Variants in PLCH1 observed in about 807,000 individuals in gnomAD.
PLCH1 encodes the protein phospholipase C eta 1.
A neutral mutation model predicts 126.7 loss-of-function variants in PLCH1; 60 were observed. The ratio of observed to expected loss-of-function variants is 0.47; its 90% CI spans 0.38 to 0.59. PLCH1 has a LOEUF of 0.59. Among genes scored for constraint, PLCH1 ranks in the 20% least tolerant of loss-of-function variants. The pLI, the probability that PLCH1 is intolerant of heterozygous loss-of-function variation, is 0.00. For synonymous variants in PLCH1, 719 were observed against 734.9 expected (o/e 0.98, Z 0.35); for missense variants, 1,723 against 2,040.0 (o/e 0.84, Z 2.99).
chr3:155,638,848 C>G (rs925879396), intron 2 of PLCH1, among the ~76,000 whole-genome samples: 1 of 152,134 alleles, frequency 6.6e-6, no homozygotes, highest in Non-Finnish European at 1.5e-5. Flanking sequence ...GACATCTTTA[C>G]AGGCAAATGA....
chr3:155,702,703 A>T (rs550423575), intron 2 of PLCH1, among the ~76,000 whole-genome samples: 2 of 152,250 alleles, frequency 1.3e-5, no homozygotes, highest in African/African-American at 4.8e-5. Flanking sequence ...TTAAATCTAA[A>T]TTCTTTAAAA....
chr3:155,482,885 C>G lies in PLCH1; in HGVS notation c.3141G>C (p.Gln1047His). ...CACCCCTAGGACTTGACATGCCCAG[C>G]TGTTCTCCTGTGACTGACATGTGGG... ...STAHMSVTGE[Q>H]LGMSSPRGGR... Residue 1047 changes from glutamine (Q) to histidine (H), a missense_variant, in exon 23 of 23, where the codon CAG (glutamine) becomes CAC (histidine). Physicochemically the swap from Gln to His is conservative, Grantham distance 24 (BLOSUM62 0). Coordinates refer to ENST00000460012, the MANE Select transcript of PLCH1 (RefSeq NM_014996.4). The G allele has an allele frequency of 6.2e-7, 1 of 1,614,180 alleles. No individual in the cohort carries two copies. The highest frequency in any genetic ancestry group is 8.5e-7 in the Non-Finnish European group (1 of 1,180,022).
chr3:155,619,270 T>G (rs1457398036), intron 2 of PLCH1, among the ~76,000 whole-genome samples: 1 of 101,628 alleles, frequency 9.8e-6, no homozygotes, highest in African/African-American at 5.6e-5. Flanking sequence ...TAGTGTACAG[T>G]ACAGGAGTAG....
At chr3:155,592,201 G>A (rs980841423) in intron 4 of PLCH1, among the ~76,000 whole-genome samples, 6 of 145,802 alleles carry the variant, frequency 4.1e-5, no homozygotes, top group Non-Finnish European at 7.5e-5. Flanking sequence ...AAAAAGATTC[G>A]TGGCCAAGCC....
At chr3:155,466,268 G>A (rs150935297) in intron 21 of PLCH1, among the ~76,000 whole-genome samples, 79 of 152,294 alleles carry the variant, frequency 5.2e-4, no homozygotes, top group African/African-American at 1.5e-3. Context: ...CCAGGTTTAC[G>A]TGGCTTAGAA....
At chr3:155,586,323 A>G (rs1490016112) in intron 4 of PLCH1, 129 bp from the exon 5 acceptor site, 26 of 813,518 alleles carry the variant, frequency 3.2e-5, no homozygotes, top group South Asian at 2.4e-4. Flanking sequence ...GAGCCCCTGC[A>G]ATCCATAGGC....
At chr3:155,548,748 G>A (rs1214142703) in intron 10 of PLCH1, among the ~76,000 whole-genome samples, 1 of 152,188 alleles carries the variant, frequency 6.6e-6, no homozygotes, top group Non-Finnish European at 1.5e-5. Flanking sequence ...ATTATGTGGA[G>A]CTTTTATTCA....
chr3:155,530,994 G>C lies in PLCH1; in HGVS notation c.1363-6990C>G, dbSNP rs548668862. On this transcript the variant is annotated intron_variant, in intron 10 of 22. Transcript: ENST00000460012. ...GGGTGACCAGGTGCATTGTCAATGA[G>C]CAGTAATATTTTGAAAGGAATCTTT... 1.6e-3 allele frequency among the ~76,000 whole-genome samples: 240 copies of C among 152,334 alleles called. 1 individual carries two copies. Among genetic ancestry groups the C allele is most frequent in the African/African-American group, 5.5e-3 (228 of 41,568 alleles).
intron 21 of PLCH1, among the ~76,000 whole-genome samples, 185 bp downstream of exon 21, chr3:155,487,843 T>C (rs1360259735): frequency 6.6e-6 from 1 of 152,176 alleles, no homozygotes; most frequent in Non-Finnish European, 1.5e-5. Flanking sequence ...ACACCTTAAA[T>C]AGTGAAAAGA....
chr3:155,572,892 AT>A (rs1418172459), intron 6 of PLCH1, among the ~76,000 whole-genome samples: 1 of 151,786 alleles, frequency 6.6e-6, no homozygotes, highest in African/African-American at 2.4e-5. Flanking sequence ...CACCTGGCTG[AT>A]TTTTTTATTT....
At chr3:155,633,566 GT>G (rs2108821978) in intron 2 of PLCH1, among the ~76,000 whole-genome samples, 1 of 152,254 alleles carries the variant, frequency 6.6e-6, no homozygotes, top group East Asian at 1.9e-4. Flanking sequence ...ACCTGCCAGT[GT>G]TTGGCAAGAG....
chr3:155,486,010 C>G lies in PLCH1; in HGVS notation c.2620-300G>C, dbSNP rs373163685. On this transcript the variant is annotated intron_variant, in intron 21 of 22. Coordinates refer to ENST00000460012, the MANE Select transcript of PLCH1 (RefSeq NM_014996.4). The stretch of plus-strand genomic sequence containing the variant: ...TCCACAGCTCATAGACTGCTATGAA[C>G]TTCAGGCGCCTTAAAGCAACAGATG... 1.9e-5 allele frequency: 12 copies of G among 642,806 alleles called. No individual in the cohort carries two copies. In the South Asian group the frequency reaches 2.4e-4, roughly 13 times the overall value. 39.8% of individuals were successfully genotyped at this position (642,806 alleles called of 1,614,324 possible).
chr3:155,631,775 C>T (rs1738055658), intron 2 of PLCH1, among the ~76,000 whole-genome samples: 1 of 152,156 alleles, frequency 6.6e-6, no homozygotes, highest in African/African-American at 2.4e-5. Context: ...TTGCTCTGTG[C>T]AAGACAGTGC....
At chr3:155,696,348 G>A (rs1421622407) in intron 2 of PLCH1, among the ~76,000 whole-genome samples, 1 of 152,120 alleles carries the variant, frequency 6.6e-6, no homozygotes, top group Non-Finnish European at 1.5e-5. Flanking sequence ...TAGGAGATTG[G>A]AGGGTTTCAT....
chr3:155,646,804 A>G (rs1236755655), intron 2 of PLCH1, among the ~76,000 whole-genome samples: 1 of 152,200 alleles, frequency 6.6e-6, no homozygotes, highest in Admixed American at 6.5e-5. Flanking sequence ...CACGCTCTCT[A>G]TACTCTGAAA....
chr3:155,543,204 G>C (rs1055455033), intron 10 of PLCH1, among the ~76,000 whole-genome samples: 1 of 152,186 alleles, frequency 6.6e-6, no homozygotes, highest in South Asian at 2.1e-4. Context: ...GGAGCCGATG[G>C]AGCTGAAAGC....
At chr3:155,681,478 C>T (rs1744532242) in intron 2 of PLCH1, among the ~76,000 whole-genome samples, 1 of 152,170 alleles carries the variant, frequency 6.6e-6, no homozygotes, top group Non-Finnish European at 1.5e-5. Context: ...CTGTGATAGA[C>T]CTGGGCTTTG....
At chr3:155,545,308 G>A (rs1313639138) in intron 10 of PLCH1, among the ~76,000 whole-genome samples, 10 of 151,766 alleles carry the variant, frequency 6.6e-5, no homozygotes, top group Middle Eastern at 3.4e-3. Flanking sequence ...TAAATTCCTC[G>A]ACACATACAC....
chr3:155,563,369 C>T (rs939378991), intron 8 of PLCH1, among the ~76,000 whole-genome samples: 1 of 152,316 alleles, frequency 6.6e-6, no homozygotes, highest in African/African-American at 2.4e-5. Context: ...AGATGGAAAA[C>T]TGGACTCATT....
Sources: allele counts gnomAD v4.1 joint callset (sites outside exome capture counted in the v4.1 genomes callset), GRCh38; gene constraint gnomAD v4.1.1; transcripts MANE v1.5; gene names NCBI Gene and HGNC (gene_info 2026-07-23, HGNC 2026-07-21).